The following TET1 variants were observed in gnomAD, a reference collection of about 807,000 sequenced individuals.
TET1 encodes methylcytosine dioxygenase TET1.
Under a neutral mutation model 148.7 loss-of-function variants are expected in TET1, and 13 were observed. The ratio of observed to expected loss-of-function variants is 0.09; its 90% CI spans 0.06 to 0.14. TET1 has a LOEUF of 0.14. Among genes scored for constraint, TET1 ranks in the 10% least tolerant of loss-of-function variants. The pLI is 1.00. For synonymous variants in TET1, 907 were observed against 937.2 expected, an observed-to-expected ratio of 0.97 and a Z score of 0.59; for missense variants, 2,182 against 2,553.8, an observed-to-expected ratio of 0.85 and a Z score of 3.14.
intron 2 of TET1, among the ~76,000 whole-genome samples, chr10:68,582,852 G>A (rs555222272): frequency 6.6e-6 from 1 of 152,260 alleles, no homozygotes; most frequent in South Asian, 2.1e-4. Context: ...TCACTACTGA[G>A]ACTTCAGTAG....
At chr10:68,570,096 GTTTTTCTTTTT>G (rs1269964850) in intron 1 of TET1, among the ~76,000 whole-genome samples, 4 of 151,594 alleles carry the variant, frequency 2.6e-5, no homozygotes, top group African/African-American at 9.7e-5. Flanking sequence ...GTACCCAAAA[GTTTTTCTTTTT>G]TTTTTCTTTT....
intron 6 of TET1, among the ~76,000 whole-genome samples, chr10:68,661,477 T>G (rs1564498363): frequency 6.6e-6 from 1 of 152,076 alleles, no homozygotes; most frequent in Non-Finnish European, 1.5e-5. Context: ...ATACTCAAAC[T>G]AAGAGTTAGG....
intron 8 of TET1, among the ~76,000 whole-genome samples, chr10:68,675,523 G>A (rs189424899): frequency 1.1e-4 from 16 of 151,194 alleles, no homozygotes; most frequent in Admixed American, 6.6e-4. Flanking sequence ...CGGATGGGAC[G>A]ATTTTGAAGA....
At chr10:68,651,553 ATT>A (rs143003683) in intron 4 of TET1, among the ~76,000 whole-genome samples, 1 of 150,654 alleles carries the variant, frequency 6.6e-6, no homozygotes, top group African/African-American at 2.4e-5. Flanking sequence ...ATTAATACAG[ATT>A]TTTTTTTTAA....
chr10:68,573,510 A>T lies in TET1; in HGVS notation c.1172A>T (p.Glu391Val). The T allele has an allele frequency of 1.2e-6, 2 of 1,614,182 alleles. No individual in the cohort carries two copies. The highest frequency in any genetic ancestry group is 1.7e-6 in the Non-Finnish European group (2 of 1,180,028). Residue 391 changes from glutamate (E) to valine (V), a missense_variant, in exon 2 of 12, where the codon GAG becomes GTG. Around this residue, in one of 11 missense-constraint regions of TET1, gnomAD observed 665 missense variants for 672.4 expected, o/e 0.99. Transcript: ENST00000373644. ...CCAGTTCATGGTGAGGCCCTGGGTG[A>T]GACCCCAGATCTACCAGAGATTCCT... is the stretch of plus-strand genomic sequence containing the variant. Reference protein sequence around the residue: ...ADPVHGEALGETPDLPEIPGA... With the variant: ...ADPVHGEALGVTPDLPEIPGA...
At chr10:68,670,665 G>T (rs540159324) in intron 7 of TET1, among the ~76,000 whole-genome samples, 1 of 151,984 alleles carries the variant, frequency 6.6e-6, no homozygotes, top group Admixed American at 6.6e-5. Context: ...CTTTTTCAAT[G>T]ATATGAATAA....
At position 68,646,898 on chromosome 10, in the gene TET1, G is replaced by A; in HGVS notation, c.4169G>A (p.Ser1390Asn). 1.2e-6 allele frequency: 2 copies of A among 1,614,146 alleles called. No homozygotes were observed. Among genetic ancestry groups the A allele is most frequent in the Non-Finnish European group, 8.5e-7 (1 of 1,180,026 alleles). Residue 1390 changes from serine to asparagine, a missense_variant, in exon 4 of 12, where the codon AGT (serine) becomes AAT (asparagine). Physicochemically the swap from Ser to Asn is conservative, Grantham distance 46. This residue lies in a region of TET1 where 169 missense variants were observed against 263.7 expected (regional missense o/e 0.64). Transcript: ENST00000373644. ...FGTSEFSTVDSAQKNFNDYAM... is the reference protein window; with the variant it reads ...FGTSEFSTVDNAQKNFNDYAM... ...ACATCAGAATTTTCCACAGTGGACAGTGCACAGAAAAATTTTAATGATTAT... is the reference window on the plus strand; with the variant it reads ...ACATCAGAATTTTCCACAGTGGACAATGCACAGAAAAATTTTAATGATTAT...
At chr10:68,653,215 T>C (rs1467500466) in intron 6 of TET1, among the ~76,000 whole-genome samples, 3 of 152,140 alleles carry the variant, frequency 2.0e-5, no homozygotes, top group South Asian at 4.1e-4. Context: ...GTTTAGAATA[T>C]TGGTAGCTAT....
chr10:68,685,531 A>G (rs1254061290), intron 10 of TET1, among the ~76,000 whole-genome samples: 2 of 152,174 alleles, frequency 1.3e-5, no homozygotes, highest in Non-Finnish European at 2.9e-5. Context: ...AGGTGGGTAG[A>G]TCACTTGAGG....
At chr10:68,576,934 A>G (rs922633932) in intron 2 of TET1, among the ~76,000 whole-genome samples, 9 of 149,470 alleles carry the variant, frequency 6.0e-5, no homozygotes, top group Non-Finnish European at 1.0e-4. Context: ...TTTTTGAGAG[A>G]GTCTCACTCT....
intron 11 of TET1, among the ~76,000 whole-genome samples, chr10:68,688,323 C>T (rs911419862): frequency 2.6e-5 from 4 of 151,850 alleles, no homozygotes; most frequent in Admixed American, 1.3e-4. Flanking sequence ...GTCTCAAACT[C>T]CTGACCTCAA....
intron 1 of TET1, among the ~76,000 whole-genome samples, chr10:68,570,363 C>T (rs909853484): frequency 5.9e-5 from 9 of 152,074 alleles, no homozygotes; most frequent in African/African-American, 2.2e-4. Flanking sequence ...CCTCGGCCTC[C>T]CAAAGTGCTG....
intron 2 of TET1, among the ~76,000 whole-genome samples, chr10:68,584,215 T>A (rs1031319850): frequency 6.6e-5 from 10 of 150,858 alleles, no homozygotes; most frequent in Admixed American, 2.6e-4. Flanking sequence ...AATTTTTTTT[T>A]ATTTTTATTA....
chr10:68,687,191 C>T (rs1485759638), intron 11 of TET1, among the ~76,000 whole-genome samples: 1 of 143,660 alleles, frequency 7.0e-6, no homozygotes, highest in Non-Finnish European at 1.5e-5. Flanking sequence ...GTGTGAGCCA[C>T]CGCGCCCGGC....
chr10:68,595,909 CCAGCCAAAA>C (rs1263202285), intron 2 of TET1, among the ~76,000 whole-genome samples: 1 of 103,494 alleles, frequency 9.7e-6, no homozygotes, highest in Non-Finnish European at 1.9e-5. Context: ...GCCACTGCGC[CCAGCCAAAA>C]CATATATATA....
intron 3 of TET1, among the ~76,000 whole-genome samples, chr10:68,613,335 AT>A (rs2054244323): frequency 6.6e-6 from 1 of 152,200 alleles, no homozygotes; most frequent in South Asian, 2.1e-4. Flanking sequence ...AAATCTTTTG[AT>A]TTGATGGTCA....
chr10:68,570,687 T>C (rs2053659451), intron 1 of TET1, among the ~76,000 whole-genome samples: 2 of 151,988 alleles, frequency 1.3e-5, no homozygotes, highest in African/African-American at 2.4e-5. Flanking sequence ...TGGAGTGCAG[T>C]GGCGTGATCT....
chr10:68,621,387 T>G (rs2054368844), intron 3 of TET1, among the ~76,000 whole-genome samples: 1 of 152,002 alleles, frequency 6.6e-6, no homozygotes, highest in Non-Finnish European at 1.5e-5. Flanking sequence ...AGTTTGAGAC[T>G]AGCCTGGGCA....
At chr10:68,664,814 G>A (rs999251796) in intron 6 of TET1, among the ~76,000 whole-genome samples, 5 of 140,006 alleles carry the variant, frequency 3.6e-5, no homozygotes, top group Admixed American at 7.2e-5. Flanking sequence ...AGTTTCTGTC[G>A]CCCATGCTGG....
Sources: allele counts gnomAD v4.1 joint callset (sites outside exome capture counted in the v4.1 genomes callset), GRCh38; gene constraint gnomAD v4.1.1; regional missense constraint gnomAD v4.1.1; transcripts MANE v1.5; gene names NCBI Gene and HGNC (gene_info 2026-07-23, HGNC 2026-07-21).